NDE1: variants seen among roughly 807,000 people sequenced by gnomAD.
The protein encoded by NDE1 is nuclear distribution protein nudE homolog 1.
A neutral mutation model predicts 43.4 loss-of-function variants in NDE1; 28 were observed. The ratio of observed to expected loss-of-function variants is 0.65; its 90% confidence interval spans 0.48 to 0.89. The LOEUF is 0.89. NDE1 is among the 40% of genes least tolerant of loss of function. The pLI is 0.00. For missense variants in NDE1, 441 were observed against 434.1 expected (o/e 1.02, Z -0.14); for synonymous variants, 184 against 172.0 (o/e 1.07, Z -0.55).
chr16:15,720,380 G>GCACAT, intron 8 of NDE1: 2 of 1,542,372 alleles, frequency 1.3e-6, no homozygotes, highest in Non-Finnish European at 1.8e-6. Flanking sequence ...CACCTAGGCA[G>GCACAT]CACATCACTG....
At chr16:15,702,081 T>C (rs973479929) in intron 8 of NDE1, 16 of 152,192 alleles carry the variant, frequency 1.1e-4, no homozygotes, top group Non-Finnish European at 2.1e-4. Flanking sequence ...CGGGATGTGT[T>C]TGTGCGTCAT....
At chr16:15,690,673 G>A (rs1267421473) in intron 5 of NDE1, among the ~76,000 whole-genome samples, 1 of 152,088 alleles carries the variant, frequency 6.6e-6, no homozygotes, top group Non-Finnish European at 1.5e-5. Context: ...AAGTCTGCTA[G>A]GCAAGGTCCT....
chr16:15,693,750 G>A (rs1469714100), intron 6 of NDE1, among the ~76,000 whole-genome samples: 1 of 152,142 alleles, frequency 6.6e-6, no homozygotes, highest in African/African-American at 2.4e-5. Context: ...GACCAGCCTG[G>A]ACAACGTGAT....
chr16:15,714,999 T>G (rs79129097), intron 8 of NDE1: 1 of 1,614,034 alleles, frequency 6.2e-7, no homozygotes, highest in South Asian at 1.1e-5. Context: ...CTTCCTGCGG[T>G]TGGCGTTGAT....
intron 8 of NDE1, among the ~76,000 whole-genome samples, chr16:15,702,569 AC>A (rs753189779): frequency 4.7e-4 from 50 of 107,234 alleles, no homozygotes; most frequent in African/African-American, 1.7e-3. Context: ...AACAACAACA[AC>A]AAAAAAACAC....
intron 3 of NDE1, among the ~76,000 whole-genome samples, chr16:15,673,859 A>G (rs1290073470): frequency 6.6e-6 from 1 of 152,174 alleles, no homozygotes; most frequent in South Asian, 2.1e-4. Context: ...GAATCGAGAG[A>G]GCACGGGAAC....
chr16:15,717,114 G>C lies in NDE1; in HGVS notation c.948-7077G>C, dbSNP rs1385331484. 1.9e-6 allele frequency: 3 copies of C among 1,612,406 alleles called. No individual in the cohort carries two copies. The East Asian group carries it at 6.7e-5, about 36-fold the overall frequency. On this transcript the variant is annotated intron_variant, in intron 8 of 8. Transcript: ENST00000396354. ...GCTGTCCATCACCCCCCTGCAAACT[G>C]GGTTCGGAACTCCACACCCGCATAC...
intron 3 of NDE1, among the ~76,000 whole-genome samples, chr16:15,672,260 C>T (rs2037634472): frequency 6.6e-6 from 1 of 151,998 alleles, no homozygotes. Context: ...TGGTGAAACC[C>T]CGTCTCTACT....
chr16:15,662,459 A>G (rs1444165774), intron 1 of NDE1, among the ~76,000 whole-genome samples: 2 of 148,038 alleles, frequency 1.4e-5, no homozygotes, highest in Non-Finnish European at 3.0e-5. Flanking sequence ...ATTTTTTTGT[A>G]TTTTTAGTAG....
intron 8 of NDE1, among the ~76,000 whole-genome samples, chr16:15,707,893 A>T (rs558477303): frequency 1.4e-5 from 2 of 147,586 alleles, no homozygotes; most frequent in Non-Finnish European, 1.5e-5. Context: ...AATCGCTTGA[A>T]CCCAGGAGGC....
At chr16:15,652,657 C>T (rs1208442399) in intron 1 of NDE1, among the ~76,000 whole-genome samples, 1 of 152,002 alleles carries the variant, frequency 6.6e-6, no homozygotes, top group Admixed American at 6.6e-5. Context: ...TACTTTTTGT[C>T]CAAGTTTTTG....
chr16:15,653,198 C>T (rs982853320), intron 1 of NDE1, among the ~76,000 whole-genome samples: 3 of 152,196 alleles, frequency 2.0e-5, no homozygotes, highest in African/African-American at 7.2e-5. Context: ...TTCTTAACAA[C>T]TGCATCGTTT....
Position 15,664,720 on chromosome 16 carries a change from A to G in NDE1, c.-43-16A>G. 1 of 1,323,896 alleles carries G rather than the reference A, an allele frequency of 7.6e-7. No individual in the cohort carries two copies. The highest frequency in any genetic ancestry group is 1.1e-6 in the Non-Finnish European group (1 of 917,370). The allele number at this position is 1,323,896 out of a possible 1,614,324, so 82.0% of individuals were successfully genotyped here. On this transcript the variant is annotated splice_polypyrimidine_tract_variant and intron_variant, in intron 1 of 8. Transcript: ENST00000396354. ...TAACCAGATGTGGGTAATCATTTTG[A>G]AACCTTCTCTCCTAGACACCATGCC...
Position 15,696,813 on chromosome 16 carries a change from CGG to C in NDE1, c.903_904del (p.Arg303ThrfsTer11). 6.2e-7 allele frequency: 1 copy of C among 1,614,146 alleles called. No homozygotes were observed. Among genetic ancestry groups the C allele is most frequent in the Non-Finnish European group, 8.5e-7 (1 of 1,180,030 alleles). On this transcript the variant is annotated frameshift_variant, in exon 8 of 9. Coordinates refer to ENST00000396354, the MANE Select transcript of NDE1 (RefSeq NM_017668.3). LOFTEE classifies it high-confidence loss of function. ...SGRSSKNRDG[G>X]ERRPSSTSVP... ...GGCGGAGCAGCAAGAACAGAGATGGCGGGGAGAGACGGCCAAGCAGCACCAGC... is the reference window on the plus strand; with the variant it reads ...GGCGGAGCAGCAAGAACAGAGATGGCGGAGAGACGGCCAAGCAGCACCAGC...
chr16:15,653,192 TAAC>T (rs1436806409), intron 1 of NDE1, among the ~76,000 whole-genome samples: 3 of 152,214 alleles, frequency 2.0e-5, no homozygotes, highest in African/African-American at 7.2e-5. Context: ...TTACAGTTCT[TAAC>T]AACTGCATCG....
At chr16:15,715,145 G>A (rs773260950) in intron 8 of NDE1, 1 of 1,612,930 alleles carries the variant, frequency 6.2e-7, no homozygotes, top group African/African-American at 1.3e-5. Flanking sequence ...CTCGAGGGAG[G>A]CTGGGTGGCA....
intron 4 of NDE1, among the ~76,000 whole-genome samples, chr16:15,679,642 G>C (rs2038072038): frequency 6.6e-6 from 1 of 152,120 alleles, no homozygotes; most frequent in Non-Finnish European, 1.5e-5. Context: ...GAGCTGCTTT[G>C]AGGTCCTTTT....
intron 8 of NDE1, among the ~76,000 whole-genome samples, chr16:15,716,221 C>G (rs2040125851): frequency 6.6e-6 from 1 of 152,110 alleles, no homozygotes; most frequent in South Asian, 2.1e-4. Context: ...GCATGAAATA[C>G]CACATATGGC....
Position 15,717,153 on chromosome 16 carries a change from C to T in NDE1, c.948-7038C>T, listed in dbSNP as rs750433973. On this transcript the variant is annotated intron_variant, in intron 8 of 8. Coordinates refer to ENST00000396354, the MANE Select transcript of NDE1 (RefSeq NM_017668.3). ...ACACCCGCATACCTGGCCTCCTGCT[C>T]GACCTGCTCCTCCAGCTGTGCAATC... The T allele has an allele frequency of 7.4e-6, 12 of 1,614,070 alleles. No individual in the cohort carries two copies. Among genetic ancestry groups the T allele is most frequent in the African/African-American group, 1.3e-5 (1 of 74,922 alleles).
Sources: gnomAD v4.1 joint callset for allele counts (sites outside exome capture counted in the v4.1 genomes callset) on GRCh38, gnomAD v4.1.1 for gene constraint, MANE v1.5 for transcripts, NCBI Gene and HGNC (gene_info 2026-07-23, HGNC 2026-07-21) for gene names.